The following PRELID2 variants were observed in gnomAD, a reference collection of about 807,000 sequenced individuals.
PRELID2 encodes the protein PRELI domain containing 2.
PRELID2 carries 25 observed loss-of-function variants against 28.4 expected under a neutral mutation model. The ratio of observed to expected loss-of-function variants is 0.88; its 90% confidence interval spans 0.64 to 1.23. PRELID2 has a LOEUF of 1.23. Ranked by LOEUF, PRELID2 falls within the 50% of genes most tolerant of loss-of-function variation. PRELID2 has a pLI of 0.00. For missense variants in PRELID2, 201 were observed against 214.4 expected, an observed-to-expected ratio of 0.94 and a Z score of 0.39; for synonymous variants, 76 against 71.6, an observed-to-expected ratio of 1.06 and a Z score of -0.31.
the PRELID2 span, among the ~76,000 whole-genome samples, chr5:145,343,155 A>C: frequency 1.3e-5 from 2 of 151,964 alleles, no homozygotes; most frequent in African/African-American, 2.4e-5. Context: ...AATTAAACTT[A>C]ATTTAGACCA....
intron 4 of PRELID2, among the ~76,000 whole-genome samples, chr5:145,804,182 T>C (rs933502300): frequency 2.0e-5 from 3 of 152,162 alleles, no homozygotes; most frequent in African/African-American, 7.2e-5. Flanking sequence ...CAAGTATACA[T>C]TTCAGGACAG....
At chr5:145,308,947 C>T in the PRELID2 span, among the ~76,000 whole-genome samples, 1 of 152,158 alleles carries the variant, frequency 6.6e-6, no homozygotes, top group Non-Finnish European at 1.5e-5. Context: ...CCATCCTCGA[C>T]TCCACTCAGA....
intron 4 of PRELID2, among the ~76,000 whole-genome samples, chr5:145,810,010 A>G (rs1561635321): frequency 6.6e-6 from 1 of 152,224 alleles, no homozygotes; most frequent in Non-Finnish European, 1.5e-5. Flanking sequence ...ACAAATACAT[A>G]TATTTTAAAG....
chr5:145,620,372 G>T (rs148670226), intron 1 of PRELID2, among the ~76,000 whole-genome samples: 10 of 152,128 alleles, frequency 6.6e-5, no homozygotes, highest in Non-Finnish European at 1.5e-4. Context: ...AACACTAAGA[G>T]TTAACCCTAA....
At chr5:145,773,547 G>A (rs912444568) in intron 5 of PRELID2, among the ~76,000 whole-genome samples, 1 of 152,180 alleles carries the variant, frequency 6.6e-6, no homozygotes, top group Admixed American at 6.5e-5. Flanking sequence ...TTGCCTGCTG[G>A]AAACCTCCAT....
intron 1 of PRELID2, chr5:145,826,068 G>A: frequency 1.0e-6 from 1 of 985,406 alleles, no homozygotes; most frequent in Non-Finnish European, 1.2e-6. Context: ...TATGACTGCA[G>A]AATTGATCAA....
At chr5:145,447,237 T>A in the PRELID2 span, among the ~76,000 whole-genome samples, 1 of 151,908 alleles carries the variant, frequency 6.6e-6, no homozygotes, top group Admixed American at 6.6e-5. Context: ...GGTTGAAAGA[T>A]GTTTTTATAA....
chr5:145,545,354 A>C (rs561677953), intron 1 of PRELID2, among the ~76,000 whole-genome samples: 1 of 152,140 alleles, frequency 6.6e-6, no homozygotes, highest in South Asian at 2.1e-4. Context: ...GCAGTGGGAG[A>C]TGAAGCCATG....
At chr5:145,288,823 C>G in the PRELID2 span, among the ~76,000 whole-genome samples, 3 of 152,090 alleles carry the variant, frequency 2.0e-5, no homozygotes, top group East Asian at 1.9e-4. Context: ...CATTGTATGT[C>G]TATAACTTCT....
intron 1 of PRELID2, among the ~76,000 whole-genome samples, chr5:145,576,545 G>T (rs1753062095): frequency 6.6e-6 from 1 of 151,990 alleles, no homozygotes; most frequent in South Asian, 2.1e-4. Flanking sequence ...AAATAATATG[G>T]CAGAATAGAA....
chr5:145,368,812 T>C, the PRELID2 span, among the ~76,000 whole-genome samples: 1 of 151,904 alleles, frequency 6.6e-6, no homozygotes, highest in African/African-American at 2.4e-5. Flanking sequence ...TTTTTTTCAT[T>C]ATTTAATTTT....
intron 1 of PRELID2, among the ~76,000 whole-genome samples, chr5:145,572,248 T>C (rs1005000588): frequency 6.6e-6 from 1 of 152,172 alleles, no homozygotes; most frequent in Non-Finnish European, 1.5e-5. Flanking sequence ...ACATCTTACA[T>C]ATATTGATTG....
At chr5:145,822,058 A>G (rs1754867621) in intron 2 of PRELID2, among the ~76,000 whole-genome samples, 1 of 152,182 alleles carries the variant, frequency 6.6e-6, no homozygotes, top group Non-Finnish European at 1.5e-5. Flanking sequence ...AGCAAAAGGC[A>G]GTTATGTTTA....
chr5:145,810,960 GAC>G (rs915976264), intron 4 of PRELID2, among the ~76,000 whole-genome samples: 1 of 151,766 alleles, frequency 6.6e-6, no homozygotes, highest in Non-Finnish European at 1.5e-5. Context: ...TGCTGATAAA[GAC>G]ATACCTGAGA....
intron 4 of PRELID2, among the ~76,000 whole-genome samples, chr5:145,806,253 T>C (rs906361563): frequency 6.6e-5 from 10 of 152,340 alleles, no homozygotes; most frequent in South Asian, 4.1e-4. Context: ...ATTGCATAAC[T>C]GTACAAAAAT....
chr5:145,418,870 C>T, the PRELID2 span, among the ~76,000 whole-genome samples: 1 of 143,626 alleles, frequency 7.0e-6, no homozygotes, highest in African/African-American at 2.6e-5. Context: ...CCGATGCTAT[C>T]CCTCCCCCCT....
the PRELID2 span, among the ~76,000 whole-genome samples, chr5:145,257,607 A>G: frequency 6.6e-6 from 1 of 152,158 alleles, no homozygotes; most frequent in Non-Finnish European, 1.5e-5. Context: ...AAGAATGTTT[A>G]AGAATATAGA....
chr5:145,281,082 G>T, the PRELID2 span, among the ~76,000 whole-genome samples: 1 of 152,202 alleles, frequency 6.6e-6, no homozygotes, highest in Non-Finnish European at 1.5e-5. Context: ...CTCTCTCCAA[G>T]AAGTAGCAAA....
chr5:145,467,759 T>C (rs1403357411), downstream of PRELID2, among the ~76,000 whole-genome samples: 2 of 142,170 alleles, frequency 1.4e-5, no homozygotes, highest in Non-Finnish European at 3.2e-5. Context: ...CGCCTGACTT[T>C]ACAGATTTTT....
Sources: allele counts gnomAD v4.1 joint callset (sites outside exome capture counted in the v4.1 genomes callset), GRCh38; gene constraint gnomAD v4.1.1; transcripts MANE v1.5; gene names NCBI Gene and HGNC (gene_info 2026-07-23, HGNC 2026-07-21).